Variants in GABRB2 observed in about 807,000 individuals in gnomAD.
GABRB2 encodes the protein gamma-aminobutyric acid type A receptor subunit beta2.
In GABRB2, 16 loss-of-function variants were observed where a neutral mutation model predicts 54.7. The ratio of observed to expected loss-of-function variants is 0.29; its 90% CI spans 0.20 to 0.44. GABRB2 has a LOEUF of 0.44. GABRB2 is among the 20% of genes least tolerant of loss of function. The pLI, the probability that GABRB2 is intolerant of heterozygous loss-of-function variation, is 1.00. For missense variants in GABRB2, 355 were observed against 644.0 expected (o/e 0.55, Z 4.86); for synonymous variants, 244 against 233.8 (o/e 1.04, Z -0.40).
chr5:161,399,480 A>G (rs1756115077), intron 5 of GABRB2, among the ~76,000 whole-genome samples: 1 of 152,182 alleles, frequency 6.6e-6, no homozygotes, highest in Non-Finnish European at 1.5e-5. Context: ...CTACATGAGA[A>G]GCACTGTGGT....
rs143349277 is a variant in GABRB2 at position 161,321,480 on chromosome 5, T to A, written c.1191+4888A>T. Among the ~76,000 whole-genome samples the A allele has an allele frequency of 1.4e-4, 22 of 152,248 alleles. No individual in the cohort carries two copies. The East Asian group carries it at 4.2e-3, about 29-fold the overall frequency. On this transcript the variant is annotated intron_variant, in intron 9 of 9. Coordinates refer to ENST00000393959, the MANE Select transcript of GABRB2 (RefSeq NM_001371727.1). ...TTAGTTCTAAATGCCAGTACACTGG[T>A]CTTTCCTGTTCCAAAGTTCCTAACT...
chr5:161,336,866 C>T, intron 5 of GABRB2, 97 bp from the exon 6 acceptor site: 1 of 1,279,260 alleles, frequency 7.8e-7, no homozygotes, highest in Non-Finnish European at 1.1e-6. Context: ...AGAAGATGAC[C>T]TATATAAATA....
chr5:161,519,525 A>G (rs1760051101), intron 3 of GABRB2, among the ~76,000 whole-genome samples: 1 of 152,296 alleles, frequency 6.6e-6, no homozygotes, highest in South Asian at 2.1e-4. Context: ...CCTCACATTG[A>G]ACCCTCTAGG....
At chr5:161,360,305 T>A (rs1247441963) in intron 5 of GABRB2, among the ~76,000 whole-genome samples, 2 of 152,148 alleles carry the variant, frequency 1.3e-5, no homozygotes, top group Non-Finnish European at 2.9e-5. Context: ...TTTTATCATA[T>A]TAGAAAGCAA....
chr5:161,352,964 A>G (rs180755076), intron 5 of GABRB2, among the ~76,000 whole-genome samples: 43 of 152,140 alleles, frequency 2.8e-4, no homozygotes, highest in African/African-American at 1.0e-3. Flanking sequence ...CTACTAAGTC[A>G]CTAAAGCCTA....
rs542461058 is a variant in GABRB2, at chr5:161,295,295, T to A, written c.1192-867A>T. ...TCACCTCTCTTGGATAATTTCTTCT[T>A]GCAAAGCTAAAAGCAAAGGATAAAT... On this transcript the variant is annotated intron_variant, in intron 9 of 9. Transcript: ENST00000393959. Among the ~76,000 whole-genome samples the A allele has an allele frequency of 3.9e-5, 6 of 152,336 alleles. No homozygotes were observed. In the South Asian group the frequency reaches 1.2e-3, roughly 32 times the overall value.
chr5:161,424,787 T>C (rs1289009698), intron 4 of GABRB2, among the ~76,000 whole-genome samples: 1 of 152,144 alleles, frequency 6.6e-6, no homozygotes, highest in Non-Finnish European at 1.5e-5. Context: ...TCATGTATAG[T>C]GATTCCTTTG....
chr5:161,370,302 T>C (rs560714465), intron 5 of GABRB2, among the ~76,000 whole-genome samples: 11 of 152,298 alleles, frequency 7.2e-5, no homozygotes, highest in Admixed American at 5.2e-4. Context: ...TGTTAAGCAG[T>C]AGGTAAGCTT....
At chr5:161,545,893 C>T (rs774492295) in intron 2 of GABRB2, among the ~76,000 whole-genome samples, 1 of 152,168 alleles carries the variant, frequency 6.6e-6, no homozygotes, top group Non-Finnish European at 1.5e-5. Context: ...GCCAGAAGAA[C>T]TCTTCCAAAG....
chr5:161,512,559 A>C (rs1381425924), intron 3 of GABRB2, among the ~76,000 whole-genome samples: 1 of 152,114 alleles, frequency 6.6e-6, no homozygotes, highest in African/African-American at 2.4e-5. Context: ...ATACAAAAAA[A>C]CTAATTCAGG....
intron 5 of GABRB2, among the ~76,000 whole-genome samples, chr5:161,372,312 C>A (rs1355991637): frequency 6.6e-6 from 1 of 152,214 alleles, no homozygotes; most frequent in Admixed American, 6.5e-5. Context: ...GGATCATCTG[C>A]AGCTGATGGT....
chr5:161,448,620 CCTAATCTGG>C (rs1347278251), intron 4 of GABRB2, among the ~76,000 whole-genome samples: 1 of 152,002 alleles, frequency 6.6e-6, no homozygotes, highest in Non-Finnish European at 1.5e-5. Context: ...GTCAGTTTTC[CCTAATCTGG>C]AGTTTTTTTG....
chr5:161,369,676 T>TTGCCTTG (rs1561625315), intron 5 of GABRB2, among the ~76,000 whole-genome samples: 1 of 152,128 alleles, frequency 6.6e-6, no homozygotes, highest in Non-Finnish European at 1.5e-5. Flanking sequence ...CCCTTGGGAA[T>TTGCCTTG]AGATTTGCCA....
chr5:161,437,245 T>C (rs1427386026), intron 4 of GABRB2, among the ~76,000 whole-genome samples: 1 of 151,730 alleles, frequency 6.6e-6, no homozygotes, highest in Non-Finnish European at 1.5e-5. Flanking sequence ...CCCTTCCTTC[T>C]GCTTGAGGAG....
intron 3 of GABRB2, among the ~76,000 whole-genome samples, chr5:161,529,924 T>G (rs1732860988): frequency 6.6e-6 from 1 of 152,082 alleles, no homozygotes; most frequent in Non-Finnish European, 1.5e-5. Flanking sequence ...TAATATTCTT[T>G]TATACCAAAC....
chr5:161,347,358 C>T (rs928841962), intron 5 of GABRB2, among the ~76,000 whole-genome samples: 2 of 152,038 alleles, frequency 1.3e-5, no homozygotes, highest in African/African-American at 4.8e-5. Context: ...TAACACTTGA[C>T]ACTATTATTC....
chr5:161,521,134 A>C (rs114029288), intron 3 of GABRB2, among the ~76,000 whole-genome samples: 2,232 of 152,100 alleles, frequency 0.015, 27 homozygotes, highest in Non-Finnish European at 0.023. Context: ...TACCCAATGC[A>C]TTAAAATGAA....
intron 9 of GABRB2, among the ~76,000 whole-genome samples, chr5:161,310,298 C>T (rs1757822714): frequency 6.6e-6 from 1 of 152,068 alleles, no homozygotes; most frequent in African/African-American, 2.4e-5. Flanking sequence ...TGCACGTGTA[C>T]CCCTGAACTT....
At chr5:161,345,576 A>T (rs1305610579) in intron 5 of GABRB2, among the ~76,000 whole-genome samples, 1 of 152,074 alleles carries the variant, frequency 6.6e-6, no homozygotes, top group Non-Finnish European at 1.5e-5. Flanking sequence ...AGTTACTTGA[A>T]ATATTTTCTC....
Sources: allele counts gnomAD v4.1 joint callset (sites outside exome capture counted in the v4.1 genomes callset), GRCh38; gene constraint gnomAD v4.1.1; transcripts MANE v1.5; gene names NCBI Gene and HGNC (gene_info 2026-07-23, HGNC 2026-07-21).